SLC5A10: variants seen among roughly 807,000 people sequenced by gnomAD.
The protein encoded by SLC5A10 is sodium/mannose cotransporter SLC5A10.
Under a neutral mutation model 68.9 loss-of-function variants are expected in SLC5A10, and 55 were observed. The ratio of observed to expected loss-of-function variants is 0.80; its 90% CI spans 0.64 to 1.00. The LOEUF is 1.00. SLC5A10 is among the 50% of genes least tolerant of loss of function. SLC5A10 has a pLI of 0.00. For missense variants in SLC5A10, 732 were observed against 819.3 expected (o/e 0.89, Z 1.30); for synonymous variants, 344 against 344.8 (o/e 1.00, Z 0.02).
chr17:18,991,690 C>T (rs955991467), intron 9 of SLC5A10, among the ~76,000 whole-genome samples: 1 of 152,192 alleles, frequency 6.6e-6, no homozygotes, highest in African/African-American at 2.4e-5. Flanking sequence ...ACGTGTGTGT[C>T]CTGCACCCCA....
At chr17:18,963,091 C>A (rs2469846) in intron 5 of SLC5A10, among the ~76,000 whole-genome samples, 108 of 152,156 alleles carry the variant, frequency 7.1e-4, no homozygotes, top group African/African-American at 2.5e-3. Context: ...TGGTGGCATG[C>A]GCCTGTAGCT....
chr17:18,966,767 C>A (rs2472719), intron 5 of SLC5A10, among the ~76,000 whole-genome samples: 81,045 of 136,112 alleles, frequency 0.6, 24,728 homozygotes, highest in South Asian at 0.66. Flanking sequence ...AAAAAAAAAA[C>A]AACACTCTGC....
intron 9 of SLC5A10, among the ~76,000 whole-genome samples, chr17:18,995,424 G>A (rs1173231207): frequency 6.6e-6 from 1 of 152,220 alleles, no homozygotes; most frequent in Non-Finnish European, 1.5e-5. Flanking sequence ...AGTAGAAACT[G>A]TCCAAAATGA....
At chr17:18,952,382 G>A (rs1287276091) in intron 1 of SLC5A10, 66 bp downstream of exon 1, 13 of 1,541,758 alleles carry the variant, frequency 8.4e-6, no homozygotes, top group Admixed American at 5.8e-5. Context: ...GTGGGAACCG[G>A]GGTCCAGCAT....
intron 8 of SLC5A10, among the ~76,000 whole-genome samples, chr17:18,973,950 T>C (rs1001192870): frequency 6.9e-6 from 1 of 145,930 alleles, no homozygotes; most frequent in Non-Finnish European, 1.5e-5. Context: ...TGGAGTGCAG[T>C]GGTGTGATCT....
At chr17:19,016,174 T>C (rs1278953717) in intron 11 of SLC5A10, among the ~76,000 whole-genome samples, 1 of 151,942 alleles carries the variant, frequency 6.6e-6, no homozygotes, top group Non-Finnish European at 1.5e-5. Flanking sequence ...GCCTCTTGAG[T>C]AGCTGGGATT....
chr17:18,994,613 C>G (rs1597880456), intron 9 of SLC5A10, among the ~76,000 whole-genome samples: 1 of 152,154 alleles, frequency 6.6e-6, no homozygotes, highest in Admixed American at 6.5e-5. Context: ...CTGGTGCTCA[C>G]GCAGGACCGG....
At chr17:19,008,363 A>T (rs1337399220) in intron 9 of SLC5A10, among the ~76,000 whole-genome samples, 1 of 152,138 alleles carries the variant, frequency 6.6e-6, no homozygotes, top group Non-Finnish European at 1.5e-5. Flanking sequence ...AGTTTTTTTT[A>T]ACATTTTACA....
intron 8 of SLC5A10, 51 bp from the exon 9 acceptor site, chr17:18,976,803 C>T (rs1199745967): frequency 6.2e-7 from 1 of 1,601,846 alleles, no homozygotes. Context: ...CCAATCCTGA[C>T]ACAAGTGTCC....
intron 1 of SLC5A10, among the ~76,000 whole-genome samples, chr17:18,956,277 A>G (rs1246340032): frequency 6.6e-6 from 1 of 151,786 alleles, no homozygotes; most frequent in Non-Finnish European, 1.5e-5. Flanking sequence ...GAGTACATAC[A>G]ATGAAGCCTA....
chr17:18,953,836 C>CAG (rs2151988540), intron 1 of SLC5A10: 1 of 152,738 alleles, frequency 6.5e-6, no homozygotes, highest in South Asian at 2.1e-4. Flanking sequence ...GTTCAACTGG[C>CAG]AGGTATTCTG....
chr17:18,989,963 A>T (rs2043371662), intron 9 of SLC5A10, among the ~76,000 whole-genome samples: 2 of 152,194 alleles, frequency 1.3e-5, no homozygotes, highest in African/African-American at 2.4e-5. Context: ...CAGAGCGGAC[A>T]GCGGAGGTGT....
At position 18,978,150 on chromosome 17, in the gene SLC5A10, T is replaced by C. The variant is rs772207732; in HGVS notation, c.982+1161T>C. 23 of 1,529,616 alleles carry C rather than the reference T, an allele frequency of 1.5e-5. 1 individual carries two copies. Among genetic ancestry groups the C allele is most frequent in the Non-Finnish European group, 2.0e-5 (23 of 1,142,116 alleles). 94.8% of individuals were successfully genotyped at this position (1,529,616 alleles called of 1,614,324 possible). On this transcript the variant is annotated intron_variant, in intron 9 of 14. Transcript: ENST00000395645. ...TCTGCCACAGGGACTGTCCGGGGCT[T>C]GGGCACGGGGGGCAATGGCTCAGGG...
At position 19,003,769 on chromosome 17, in the gene SLC5A10, C is replaced by T; in HGVS notation, c.983-9641C>T. ...CCTCGCCGTCGCCGACCCCATTGTCCTCGGGCCCCTGAGAGGGGCCCGTGC... is the reference window on the plus strand; with the variant it reads ...CCTCGCCGTCGCCGACCCCATTGTCTTCGGGCCCCTGAGAGGGGCCCGTGC... On this transcript the variant is annotated intron_variant, in intron 9 of 14. Transcript: ENST00000395645. The surrounding 1 kb of genome is among the most constrained non-coding windows in gnomAD (Gnocchi z 4.5). 1 of 1,610,132 alleles carries T rather than the reference C, an allele frequency of 6.2e-7. No individual in the cohort carries two copies. The highest frequency in any genetic ancestry group is 8.5e-7 in the Non-Finnish European group (1 of 1,178,792).
chr17:19,020,110 CT>C, intron 13 of SLC5A10, 44 bp from the exon 14 acceptor site: 1 of 1,246,536 alleles, frequency 8.0e-7, no homozygotes, highest in Non-Finnish European at 1.2e-6. Flanking sequence ...CACCCCCACC[CT>C]GCCATCCCCC....
At chr17:18,995,806 G>A (rs915070765) in intron 9 of SLC5A10, among the ~76,000 whole-genome samples, 12 of 152,088 alleles carry the variant, frequency 7.9e-5, no homozygotes, top group East Asian at 1.9e-4. Context: ...TACTTGGGAG[G>A]CTGAGGCAGG....
At chr17:18,978,505 T>G (rs745566884) in intron 9 of SLC5A10, 1 of 1,612,924 alleles carries the variant, frequency 6.2e-7, no homozygotes, top group Admixed American at 1.7e-5. Flanking sequence ...GCTCGGGGAG[T>G]TCCCCTGGAT....
intron 13 of SLC5A10, 41 bp from the exon 14 acceptor site, chr17:19,020,114 C>CCG: frequency 7.8e-7 from 1 of 1,285,236 alleles, no homozygotes; most frequent in Non-Finnish European, 1.1e-6. Flanking sequence ...CCCACCCTGC[C>CCG]ATCCCCCACC....
At chr17:18,993,250 C>T (rs1216585065) in intron 9 of SLC5A10, among the ~76,000 whole-genome samples, 1 of 152,214 alleles carries the variant, frequency 6.6e-6, no homozygotes, top group African/African-American at 2.4e-5. Context: ...ATGTTGTTCT[C>T]CTTGCCACCT....
Sources: allele counts gnomAD v4.1 joint callset (sites outside exome capture counted in the v4.1 genomes callset), GRCh38; gene constraint gnomAD v4.1.1; non-coding constraint Gnocchi (gnomAD v3.1); transcripts MANE v1.5; gene names NCBI Gene and HGNC (gene_info 2026-07-23, HGNC 2026-07-21).